The following SAMD12 variants were observed in gnomAD, a reference collection of about 807,000 sequenced individuals.
SAMD12 encodes the protein sterile alpha motif domain containing 12.
SAMD12 carries 9 observed loss-of-function variants against 15.0 expected under a neutral mutation model. That is an observed-to-expected ratio of 0.60 (90% CI 0.36 to 1.05). The LOEUF is 1.05. SAMD12 is among the 50% of genes least tolerant of loss of function. The pLI is 0.01. For synonymous variants in SAMD12, 86 were observed against 90.1 expected (o/e 0.96, Z 0.25); for missense variants, 230 against 234.2 (o/e 0.98, Z 0.12).
the SAMD12 span, among the ~76,000 whole-genome samples, chr8:118,142,441 C>G: frequency 6.6e-6 from 1 of 152,166 alleles, no homozygotes; most frequent in South Asian, 2.1e-4. Flanking sequence ...TTCTGGGAAC[C>G]TTCTCCTGTC....
intron 3 of SAMD12, among the ~76,000 whole-genome samples, chr8:118,394,406 G>A (rs567012644): frequency 1.1e-4 from 17 of 152,336 alleles, no homozygotes; most frequent in African/African-American, 4.1e-4. Context: ...CTAGAGTAAA[G>A]ATGTCTATTT....
chr8:118,560,836 C>A (rs907486085), intron 2 of SAMD12, among the ~76,000 whole-genome samples: 2 of 152,050 alleles, frequency 1.3e-5, no homozygotes, highest in East Asian at 3.8e-4. Context: ...GGAAAGACTG[C>A]ATTATCTGTT....
At chr8:118,374,571 T>C (rs951121928), downstream of SAMD12, among the ~76,000 whole-genome samples, 5 of 152,178 alleles carry the variant, frequency 3.3e-5, no homozygotes, top group Admixed American at 6.6e-5. Context: ...TTTTCCATAA[T>C]GGCTATACAA....
chr8:118,548,613 G>A (rs1826211772), intron 2 of SAMD12, among the ~76,000 whole-genome samples: 1 of 152,238 alleles, frequency 6.6e-6, no homozygotes, highest in Non-Finnish European at 1.5e-5. Flanking sequence ...GAAGACGGGT[G>A]ATTTCTGCAT....
At chr8:118,505,211 G>A (rs554369980) in intron 2 of SAMD12, among the ~76,000 whole-genome samples, 9 of 152,192 alleles carry the variant, frequency 5.9e-5, no homozygotes, top group East Asian at 1.9e-4. Flanking sequence ...TTGGGTTTTC[G>A]TAAGCAAGAG....
chr8:118,288,010 A>G lies in SAMD12; in HGVS notation c.434-90278T>C, dbSNP rs527653207. On this transcript the variant is annotated intron_variant, in intron 4 of 4. Transcript: ENST00000409003. ...TTCTGATACAAACTTGCCATTGGAA[A>G]AAAGAACCTTGGTACAAGGTGTCAT... 2.0e-5 allele frequency among the ~76,000 whole-genome samples: 3 copies of G among 152,330 alleles called. No individual in the cohort carries two copies. In the East Asian group the frequency reaches 5.8e-4, roughly 29 times the overall value.
chr8:118,507,161 C>T (rs1824943657), intron 2 of SAMD12, among the ~76,000 whole-genome samples: 1 of 152,128 alleles, frequency 6.6e-6, no homozygotes, highest in Admixed American at 6.5e-5. Context: ...CTCATTGATA[C>T]CTTGTGCCTT....
Position 118,273,826 on chromosome 8 carries a change from A to G in SAMD12, c.434-76094T>C, listed in dbSNP as rs1813418841. On this transcript the variant is annotated intron_variant, in intron 4 of 4. Coordinates refer to the SAMD12 transcript ENST00000409003. ...AAGGAATGTATCCTGTGGAAATAGCATCATGGAAACAAGTACAGTCCTCAG... is the reference window on the plus strand; with the variant it reads ...AAGGAATGTATCCTGTGGAAATAGCGTCATGGAAACAAGTACAGTCCTCAG... Among the ~76,000 whole-genome samples, 14 of 152,312 alleles carry G rather than the reference A, an allele frequency of 9.2e-5. 1 individual carries two copies. The South Asian group carries it at 2.9e-3, about 32-fold the overall frequency.
At chr8:118,615,273 C>T (rs949743368) in intron 1 of SAMD12, among the ~76,000 whole-genome samples, 1 of 152,150 alleles carries the variant, frequency 6.6e-6, no homozygotes, top group East Asian at 1.9e-4. Flanking sequence ...CTATCCCCAC[C>T]CAGCTCAGAA....
chr8:118,425,160 A>G (rs992332797), intron 3 of SAMD12, among the ~76,000 whole-genome samples: 1 of 151,952 alleles, frequency 6.6e-6, no homozygotes, highest in South Asian at 2.1e-4. Flanking sequence ...GGATGGTCTC[A>G]ATTTCCTGAC....
intron 4 of SAMD12, among the ~76,000 whole-genome samples, chr8:118,260,945 T>C (rs1401848000): frequency 6.6e-6 from 1 of 152,096 alleles, no homozygotes; most frequent in African/African-American, 2.4e-5. Context: ...TCTTATCAAA[T>C]TATAGAATTA....
chr8:118,387,896 G>T (rs1820051020), intron 3 of SAMD12, among the ~76,000 whole-genome samples: 1 of 152,158 alleles, frequency 6.6e-6, no homozygotes, highest in Admixed American at 6.5e-5. Flanking sequence ...GAGAACGACA[G>T]GGAAATGATG....
At chr8:118,461,491 T>G (rs1334130929) in intron 2 of SAMD12, among the ~76,000 whole-genome samples, 1 of 152,142 alleles carries the variant, frequency 6.6e-6, no homozygotes, top group Non-Finnish European at 1.5e-5. Flanking sequence ...TACTCCCAAT[T>G]CCGTTCTTCT....
chr8:118,179,705 G>C, the SAMD12 span, among the ~76,000 whole-genome samples: 1 of 152,160 alleles, frequency 6.6e-6, no homozygotes. Flanking sequence ...CAAGCACTTA[G>C]GTCATATTCT....
At chr8:118,424,917 G>C (rs1044136173) in intron 3 of SAMD12, among the ~76,000 whole-genome samples, 1 of 151,430 alleles carries the variant, frequency 6.6e-6, no homozygotes. Context: ...GACTTGACAG[G>C]AAGAGAGCAT....
At chr8:118,358,502 C>A (rs1238635345) in intron 4 of SAMD12, among the ~76,000 whole-genome samples, 2 of 152,144 alleles carry the variant, frequency 1.3e-5, no homozygotes, top group East Asian at 3.9e-4. Context: ...CTCATGTTGC[C>A]TTTCATGAAG....
intron 3 of SAMD12, among the ~76,000 whole-genome samples, chr8:118,429,540 T>G (rs1317879377): frequency 1.3e-5 from 2 of 152,220 alleles, no homozygotes; most frequent in Non-Finnish European, 2.9e-5. Flanking sequence ...CTAATCTTTT[T>G]GTCTTTATTT....
intron 2 of SAMD12, among the ~76,000 whole-genome samples, chr8:118,476,175 A>G (rs1823954573): frequency 6.6e-6 from 1 of 152,188 alleles, no homozygotes; most frequent in African/African-American, 2.4e-5. Flanking sequence ...AGGAGTCAAA[A>G]CATTTCCCCA....
At chr8:118,462,829 G>T (rs955937355) in intron 2 of SAMD12, among the ~76,000 whole-genome samples, 1 of 152,120 alleles carries the variant, frequency 6.6e-6, no homozygotes, top group African/African-American at 2.4e-5. Context: ...TGGGCCGGGC[G>T]CGGTGGCTCA....
Sources: gnomAD v4.1 joint callset for allele counts (sites outside exome capture counted in the v4.1 genomes callset) on GRCh38, gnomAD v4.1.1 for gene constraint, MANE v1.5 for transcripts, NCBI Gene and HGNC (gene_info 2026-07-23, HGNC 2026-07-21) for gene names.